Variants in DLGAP2 observed in about 807,000 individuals in gnomAD.
The protein encoded by DLGAP2 is disks large-associated protein 2.
A neutral mutation model predicts 100.3 loss-of-function variants in DLGAP2; 26 were observed. That is an observed-to-expected ratio of 0.26 (90% CI 0.19 to 0.36). DLGAP2 has a LOEUF of 0.36. DLGAP2 is among the 10% of genes least tolerant of loss of function. The pLI, the probability that DLGAP2 is intolerant of heterozygous loss-of-function variation, is 1.00. For synonymous variants in DLGAP2, 886 were observed against 630.1 expected (o/e 1.41, Z -6.08); for missense variants, 1,858 against 1,453.2 (o/e 1.28, Z -4.53).
intron 3 of DLGAP2, among the ~76,000 whole-genome samples, chr8:1,412,983 C>T (rs985798929): frequency 3.3e-5 from 5 of 152,182 alleles, no homozygotes; most frequent in African/African-American, 1.2e-4. Flanking sequence ...CAGACTTGCC[C>T]TTCCTGACCA....
At chr8:1,290,583 C>T (rs534306117) in intron 3 of DLGAP2, among the ~76,000 whole-genome samples, 1 of 152,156 alleles carries the variant, frequency 6.6e-6, no homozygotes, top group Non-Finnish European at 1.5e-5. Flanking sequence ...ACAAGTGCTC[C>T]CATGGGGAGA....
intron 2 of DLGAP2, among the ~76,000 whole-genome samples, chr8:1,206,097 C>G (rs1797983776): frequency 6.6e-6 from 1 of 152,180 alleles, no homozygotes. Context: ...ATCATGTTAA[C>G]CCCTCTGCAC....
chr8:1,657,737 C>T (rs138411984), intron 8 of DLGAP2, among the ~76,000 whole-genome samples: 121 of 152,276 alleles, frequency 7.9e-4, no homozygotes, highest in African/African-American at 2.7e-3. Flanking sequence ...ATATCAAAAT[C>T]ATTTTATGTA....
chr8:1,165,063 CCTCTGGGCCG>C (rs758611261), intron 2 of DLGAP2, among the ~76,000 whole-genome samples: 19 of 151,956 alleles, frequency 1.3e-4, no homozygotes, highest in Non-Finnish European at 2.1e-4. Flanking sequence ...GATTCTCCTC[CCTCTGGGCCG>C]CTCCAGATGA....
At chr8:989,351 G>GT (rs1800584348) in intron 2 of DLGAP2, among the ~76,000 whole-genome samples, 1 of 152,152 alleles carries the variant, frequency 6.6e-6, no homozygotes, top group African/African-American at 2.4e-5. Context: ...CTGTCTTCGG[G>GT]TTTTTTATGC....
Position 1,325,376 on chromosome 8 carries a change from C to T in DLGAP2, c.106+66493C>T, listed in dbSNP as rs1364414664. Among the ~76,000 whole-genome samples, 9 of 152,318 alleles carry T rather than the reference C, an allele frequency of 5.9e-5. No homozygotes were observed. The East Asian group carries it at 1.5e-3, about 26-fold the overall frequency. On this transcript the variant is annotated intron_variant, in intron 3 of 14. Transcript: ENST00000637795. ...CCATCTGCCTGCAGGGGGCGTCCTCCCACCTCCAGCAGCCCTGGTCCCTGG... is the reference window on the plus strand; with the variant it reads ...CCATCTGCCTGCAGGGGGCGTCCTCTCACCTCCAGCAGCCCTGGTCCCTGG...
At chr8:1,211,570 A>T (rs1798104681) in intron 2 of DLGAP2, among the ~76,000 whole-genome samples, 1 of 152,246 alleles carries the variant, frequency 6.6e-6, no homozygotes, top group African/African-American at 2.4e-5. Context: ...ACATCACCGT[A>T]TCCATTAATC....
At chr8:1,275,780 A>T (rs1303596507) in intron 3 of DLGAP2, among the ~76,000 whole-genome samples, 1 of 130,022 alleles carries the variant, frequency 7.7e-6, no homozygotes, top group African/African-American at 2.9e-5. Context: ...ATTATATATA[A>T]AAATATATAA....
chr8:1,102,619 A>G (rs1804621304), intron 2 of DLGAP2, among the ~76,000 whole-genome samples: 1 of 152,160 alleles, frequency 6.6e-6, no homozygotes, highest in Non-Finnish European at 1.5e-5. Flanking sequence ...TATTTCAGGA[A>G]ATGTTATCTC....
At chr8:1,449,541 C>T (rs952312984) in intron 3 of DLGAP2, among the ~76,000 whole-genome samples, 1 of 152,182 alleles carries the variant, frequency 6.6e-6, no homozygotes, top group African/African-American at 2.4e-5. Flanking sequence ...TTCCAGGCAC[C>T]ACAGCCACTG....
intron 1 of DLGAP2, among the ~76,000 whole-genome samples, chr8:907,116 C>A (rs1010848670): frequency 6.6e-6 from 1 of 152,174 alleles, no homozygotes; most frequent in African/African-American, 2.4e-5. Context: ...CCTCTAATCA[C>A]CCTCTCTCCT....
At chr8:1,321,991 T>C (rs1039579229) in intron 3 of DLGAP2, among the ~76,000 whole-genome samples, 16 of 152,242 alleles carry the variant, frequency 1.1e-4, no homozygotes, top group African/African-American at 3.6e-4. Flanking sequence ...TGAAGCGTGC[T>C]TAAATTCTAG....
chr8:905,524 G>A (rs1798361341), intron 1 of DLGAP2, among the ~76,000 whole-genome samples: 1 of 152,154 alleles, frequency 6.6e-6, no homozygotes, highest in Admixed American at 6.5e-5. Flanking sequence ...ATTGTGTCAT[G>A]CGTGAGGTCT....
chr8:1,557,456 G>T (rs1222973378), intron 5 of DLGAP2, among the ~76,000 whole-genome samples: 2 of 152,126 alleles, frequency 1.3e-5, no homozygotes, highest in African/African-American at 2.4e-5. Flanking sequence ...TGGGGCAGAG[G>T]GCAGGGGTGA....
At chr8:1,167,372 G>A (rs1226589798) in intron 2 of DLGAP2, among the ~76,000 whole-genome samples, 1 of 152,144 alleles carries the variant, frequency 6.6e-6, no homozygotes, top group African/African-American at 2.4e-5. Flanking sequence ...ACAGGGAGTT[G>A]CTAAGCAGGA....
intron 1 of DLGAP2, among the ~76,000 whole-genome samples, chr8:758,020 G>A (rs1254278603): frequency 6.6e-6 from 1 of 152,116 alleles, no homozygotes; most frequent in African/African-American, 2.4e-5. Flanking sequence ...GCCCTTTACT[G>A]TCCCTGCCCT....
intron 1 of DLGAP2, among the ~76,000 whole-genome samples, chr8:862,346 A>G (rs923062354): frequency 1.4e-5 from 2 of 143,238 alleles, no homozygotes; most frequent in Admixed American, 1.5e-4. Context: ...TCTGTCGCCC[A>G]GGCTGGAGTG....
chr8:1,655,376 T>C (rs1388909984), intron 8 of DLGAP2, among the ~76,000 whole-genome samples: 1 of 152,240 alleles, frequency 6.6e-6, no homozygotes, highest in African/African-American at 2.4e-5. Context: ...TTTTATGCTA[T>C]CATCCTTGAA....
At chr8:1,384,360 G>C (rs560149879) in intron 3 of DLGAP2, among the ~76,000 whole-genome samples, 85 of 146,050 alleles carry the variant, frequency 5.8e-4, no homozygotes, top group African/African-American at 2.1e-3. Flanking sequence ...TGAGAACTTG[G>C]TGCACAGTTA....
Sources: gnomAD v4.1 joint callset for allele counts (sites outside exome capture counted in the v4.1 genomes callset) on GRCh38, gnomAD v4.1.1 for gene constraint, MANE v1.5 for transcripts, NCBI Gene and HGNC (gene_info 2026-07-23, HGNC 2026-07-21) for gene names.